Variants in PHLPP1 observed in about 807,000 individuals in gnomAD.
PHLPP1 encodes the protein PH domain leucine-rich repeat-containing protein phosphatase 1.
A neutral mutation model predicts 117.2 loss-of-function variants in PHLPP1; 42 were observed. The ratio of observed to expected loss-of-function variants is 0.36; its 90% confidence interval spans 0.28 to 0.46. PHLPP1 has a LOEUF of 0.46. Among genes scored for constraint, PHLPP1 ranks in the 20% least tolerant of loss-of-function variants. The probability of loss-of-function intolerance (pLI) is 1.00; values close to 1 mark genes in which losing one functional copy is unlikely to be tolerated. For missense variants in PHLPP1, 2,084 were observed against 2,241.9 expected, an observed-to-expected ratio of 0.93 and a Z score of 1.42; for synonymous variants, 1,042 against 970.7, an observed-to-expected ratio of 1.07 and a Z score of -1.37.
intron 12 of PHLPP1, among the ~76,000 whole-genome samples, chr18:62,946,259 C>CT (rs1910278050): frequency 6.6e-6 from 1 of 151,912 alleles, no homozygotes; most frequent in African/African-American, 2.4e-5. Flanking sequence ...GCTTGCATAA[C>CT]TTTTTTTTGT....
At chr18:62,939,733 T>C (rs1321585919) in intron 10 of PHLPP1, among the ~76,000 whole-genome samples, 1 of 151,792 alleles carries the variant, frequency 6.6e-6, no homozygotes, top group Non-Finnish European at 1.5e-5. Context: ...AGTAATGGAG[T>C]TGGTGCTTGT....
At chr18:62,852,495 C>T (rs991637282) in intron 3 of PHLPP1, among the ~76,000 whole-genome samples, 10 of 152,126 alleles carry the variant, frequency 6.6e-5, no homozygotes, top group Admixed American at 2.6e-4. Context: ...AGGCGCCTGC[C>T]GCCACGCCCG....
rs370304409 is a variant in PHLPP1 at position 62,743,698 on chromosome 18, A to T, written c.1576+26439A>T. Among the ~76,000 whole-genome samples, 5 of 152,152 alleles carry T rather than the reference A, an allele frequency of 3.3e-5. No homozygotes were observed. The East Asian group carries it at 9.6e-4, about 29-fold the overall frequency. On this transcript the variant is annotated intron_variant, in intron 1 of 16. Coordinates refer to ENST00000262719, the MANE Select transcript of PHLPP1 (RefSeq NM_194449.4). ...AATGTGGTCCAAACCTAGTAATTGCATTTTTTATGTCTTTTAAATTTCTTT... is the reference window on the plus strand; with the variant it reads ...AATGTGGTCCAAACCTAGTAATTGCTTTTTTTATGTCTTTTAAATTTCTTT...
intron 4 of PHLPP1, among the ~76,000 whole-genome samples, chr18:62,870,461 A>G (rs771736604): frequency 4.6e-5 from 7 of 152,184 alleles, no homozygotes; most frequent in Non-Finnish European, 7.3e-5. Flanking sequence ...AATATGCCAT[A>G]TATTTAGTTG....
chr18:62,861,375 A>G (rs948440571), intron 4 of PHLPP1, among the ~76,000 whole-genome samples: 1 of 152,210 alleles, frequency 6.6e-6, no homozygotes, highest in African/African-American at 2.4e-5. Flanking sequence ...AAGTGCTGTG[A>G]TTATAGGCGT....
At chr18:62,912,757 T>G (rs1378758133) in intron 8 of PHLPP1, among the ~76,000 whole-genome samples, 1 of 152,082 alleles carries the variant, frequency 6.6e-6, no homozygotes, top group East Asian at 1.9e-4. Flanking sequence ...GCAGCTGGGA[T>G]TACAGGCACA....
At position 62,716,912 on chromosome 18, in the gene PHLPP1, C is replaced by A; in HGVS notation, c.1229C>A (p.Ala410Asp). ...PAQPLPLPQT[A>D]SSPQPQQKAP... ...CAGCCCCTCCCGCTTCCCCAGACGG[C>A]TTCCTCGCCTCAGCCGCAGCAGAAA... is the stretch of plus-strand genomic sequence containing the variant. The change falls in exon 1 of 17, where the codon GCT becomes GAT. Residue 410 changes from alanine to aspartate, a missense_variant. Transcript: ENST00000262719. This position sits in a 1 kb window ranked among gnomAD's most constrained non-coding sequence, Gnocchi z 5.7. 2 of 1,533,020 alleles carry A rather than the reference C, an allele frequency of 1.3e-6. No individual in the cohort carries two copies. Among genetic ancestry groups the A allele is most frequent in the Non-Finnish European group, 1.7e-6 (2 of 1,145,094 alleles). The allele number at this position is 1,533,020 out of a possible 1,614,324, so 95.0% of individuals were successfully genotyped here. A position where few individuals can be genotyped will look rare whatever the true frequency, so the allele number is the denominator to read the frequency against.
chr18:62,932,893 T>G (rs928982170), intron 10 of PHLPP1, among the ~76,000 whole-genome samples: 2 of 152,186 alleles, frequency 1.3e-5, no homozygotes, highest in African/African-American at 4.8e-5. Flanking sequence ...ACTCTCAGAC[T>G]TGATAAACAA....
chr18:62,789,492 C>G (rs538060538), intron 1 of PHLPP1, among the ~76,000 whole-genome samples: 1 of 152,118 alleles, frequency 6.6e-6, no homozygotes, highest in African/African-American at 2.4e-5. Flanking sequence ...ATTTTCTGGG[C>G]TTTTTTAAAA....
Position 62,979,534 on chromosome 18 carries a change from C to A in PHLPP1, c.*103C>A. 1 of 1,287,202 alleles carries A rather than the reference C, an allele frequency of 7.8e-7. No individual in the cohort carries two copies. Among genetic ancestry groups the A allele is most frequent in the Non-Finnish European group, 1.1e-6 (1 of 944,048 alleles). 79.7% of individuals were successfully genotyped at this position (1,287,202 alleles called of 1,614,324 possible). Reference sequence around the variant, plus strand: ...GGGGTTTTACTCCACATCCTTCCCCCAGACACTGTTCCCAACCTGTCATCG... The same window carrying A: ...GGGGTTTTACTCCACATCCTTCCCCAAGACACTGTTCCCAACCTGTCATCG... On this transcript the variant is annotated 3_prime_UTR_variant, in exon 17 of 17. Transcript: ENST00000262719.
At chr18:62,810,853 C>G (rs978592119) in intron 1 of PHLPP1, among the ~76,000 whole-genome samples, 1 of 152,230 alleles carries the variant, frequency 6.6e-6, no homozygotes, top group Non-Finnish European at 1.5e-5. Context: ...TTATTTAGAT[C>G]GGAGGTCAGT....
In PHLPP1 at chr18:62,830,208, G is replaced by A; in HGVS notation, c.1750G>A (p.Val584Ile). 6.4e-7 allele frequency: 1 copy of A among 1,563,128 alleles called. No homozygotes were observed. Among genetic ancestry groups the A allele is most frequent in the Non-Finnish European group, 8.7e-7 (1 of 1,153,056 alleles). The change falls in exon 2 of 17, where the codon GTT becomes ATT. Residue 584 changes from valine to isoleucine, a missense_variant. Physicochemically the swap from Val to Ile is conservative, Grantham distance 29 (BLOSUM62 3). Transcript: ENST00000262719. ...VKDSLTGKMH[V>I]LPLIGGKVEE... ...AGACAGCTTGACCGGAAAGATGCATGTTCTGCCACTAATTGGTGGAAAAGT... is the reference window on the plus strand; with the variant it reads ...AGACAGCTTGACCGGAAAGATGCATATTCTGCCACTAATTGGTGGAAAAGT...
intron 1 of PHLPP1, among the ~76,000 whole-genome samples, chr18:62,735,606 A>AAC (rs879398373): frequency 2.2e-5 from 3 of 135,098 alleles, no homozygotes; most frequent in Non-Finnish European, 3.3e-5. Context: ...ACAACAACAA[A>AAC]ACCAGTTGAC....
intron 1 of PHLPP1, among the ~76,000 whole-genome samples, chr18:62,719,089 T>A (rs1307071570): frequency 6.6e-6 from 1 of 152,216 alleles, no homozygotes; most frequent in Non-Finnish European, 1.5e-5. Context: ...AAGCAGTAAT[T>A]GTTACCTCAT....
Position 62,941,790 on chromosome 18 carries a change from C to G in PHLPP1, c.3033C>G (p.Asn1011Lys). ...LPPATLSEETNSILQELYLTN... is the reference protein window; with the variant it reads ...LPPATLSEETKSILQELYLTN... ...CAGCCACGCTTTCCGAAGAGACAAA[C>G]AGTATCTTACAAGAGTTGTATTTGA... The change falls in exon 11 of 17, where the codon AAC becomes AAG. Residue 1011 changes from asparagine to lysine, a missense_variant. Physicochemically the swap from Asn to Lys is moderately conservative, Grantham distance 94 (BLOSUM62 0). Coordinates refer to ENST00000262719, the MANE Select transcript of PHLPP1 (RefSeq NM_194449.4). The G allele has an allele frequency of 6.2e-7, 1 of 1,613,626 alleles. No individual in the cohort carries two copies. Among genetic ancestry groups the G allele is most frequent in the South Asian group, 1.1e-5 (1 of 91,072 alleles).
In PHLPP1 at chr18:62,717,207, G is replaced by T; in HGVS notation, c.1524G>T (p.Val508=). 8 of 1,610,442 alleles carry T rather than the reference G, an allele frequency of 5.0e-6. No homozygotes were observed. Among genetic ancestry groups the T allele is most frequent in the Non-Finnish European group, 5.9e-6 (7 of 1,177,680 alleles). Residue 508 remains valine (V), a synonymous_variant, in exon 1 of 17, where the codon GTG becomes GTT. Coordinates refer to ENST00000262719, the MANE Select transcript of PHLPP1 (RefSeq NM_194449.4). ...FQLGFGELWR[V]QEEGMDSEIG... ...TGGGATTTGGGGAGCTGTGGAGGGTGCAGGAGGAAGGCATGGACTCGGAGA... is the reference window on the plus strand; with the variant it reads ...TGGGATTTGGGGAGCTGTGGAGGGTTCAGGAGGAAGGCATGGACTCGGAGA...
chr18:62,976,161 G>A (rs1451753970), intron 16 of PHLPP1, among the ~76,000 whole-genome samples: 1 of 152,208 alleles, frequency 6.6e-6, no homozygotes. Flanking sequence ...GGGGCAGTTT[G>A]CTTCCCCACA....
chr18:62,805,282 GTATAATATACAC>G (rs1180329494), intron 1 of PHLPP1, among the ~76,000 whole-genome samples: 61 of 142,564 alleles, frequency 4.3e-4, no homozygotes, highest in African/African-American at 6.7e-4. Flanking sequence ...TACATATACA[GTATAATATACAC>G]TGCATAGGTT....
intron 2 of PHLPP1, among the ~76,000 whole-genome samples, chr18:62,833,144 G>A (rs1000012276): frequency 6.6e-5 from 10 of 152,044 alleles, no homozygotes; most frequent in Non-Finnish European, 4.4e-5. Flanking sequence ...TGCGATCTTG[G>A]GTCACTGCAC....
Sources: allele counts gnomAD v4.1 joint callset (sites outside exome capture counted in the v4.1 genomes callset), GRCh38; gene constraint gnomAD v4.1.1; non-coding constraint Gnocchi (gnomAD v3.1); transcripts MANE v1.5; gene names NCBI Gene and HGNC (gene_info 2026-07-23, HGNC 2026-07-21).